The following AGT variants were observed in gnomAD, a reference collection of about 807,000 sequenced individuals.
AGT encodes the protein angiotensinogen.
AGT carries 26 observed loss-of-function variants against 28.1 expected under a neutral mutation model. The ratio of observed to expected loss-of-function variants is 0.92; its 90% CI spans 0.68 to 1.28. The LOEUF (loss-of-function observed/expected upper bound fraction) is 1.28, where lower values mean the gene tolerates loss of function less well. AGT is among the 50% of genes most tolerant of loss of function. AGT has a pLI of 0.00. For missense variants in AGT, 596 were observed against 592.3 expected (o/e 1.01, Z -0.06); for synonymous variants, 259 against 259.6 (o/e 1.00, Z 0.02).
intron 1 of AGT, among the ~76,000 whole-genome samples, chr1:230,731,805 T>G (rs1048286121): frequency 6.6e-6 from 1 of 152,092 alleles, no homozygotes; most frequent in African/African-American, 2.4e-5. Flanking sequence ...AGGCGGAGGT[T>G]GCAACGAACC....
intron 1 of AGT, among the ~76,000 whole-genome samples, chr1:230,743,134 G>A (rs1448487105): frequency 6.6e-6 from 1 of 152,088 alleles, no homozygotes; most frequent in Non-Finnish European, 1.5e-5. Context: ...GGGATTACAG[G>A]CACCCCCACC....
chr1:230,727,921 A>C (rs1663974495), intron 1 of AGT, among the ~76,000 whole-genome samples: 1 of 152,196 alleles, frequency 6.6e-6, no homozygotes, highest in Non-Finnish European at 1.5e-5. Context: ...AGTTTTATAC[A>C]CATAGAGCCA....
intron 1 of AGT, among the ~76,000 whole-genome samples, chr1:230,721,344 G>A (rs1230248289): frequency 6.6e-6 from 1 of 152,210 alleles, no homozygotes; most frequent in Non-Finnish European, 1.5e-5. Context: ...AGCAAAGAAT[G>A]ATAGAAAACA....
intron 2 of AGT, among the ~76,000 whole-genome samples, chr1:230,708,275 T>C (rs1663452491): frequency 6.6e-6 from 1 of 152,208 alleles, no homozygotes; most frequent in African/African-American, 2.4e-5. Context: ...CTGGGTCAGG[T>C]GGATGTGCTC....
At chr1:230,720,836 G>A (rs1663829315) in intron 1 of AGT, among the ~76,000 whole-genome samples, 1 of 152,198 alleles carries the variant, frequency 6.6e-6, no homozygotes, top group African/African-American at 2.4e-5. Flanking sequence ...CTGGTAGGGA[G>A]ACCACCCCTG....
Position 230,730,436 on chromosome 1 carries a change from C to T in AGT, c.-31+15079G>A, listed in dbSNP as rs151301319. 7.7e-4 allele frequency among the ~76,000 whole-genome samples: 117 copies of T among 152,234 alleles called. No homozygotes were observed. The South Asian group carries it at 1.0e-2, about 13-fold the overall frequency. On this transcript the variant is annotated intron_variant, in intron 1 of 4. Transcript: ENST00000681269. The stretch of plus-strand genomic sequence containing the variant: ...GACAAGAAGTTGACTTGCGGCCATG[C>T]TCCTGCTTCTCCATTCTTTGGCCAT...
chr1:230,737,282 A>G (rs1316406), intron 1 of AGT, among the ~76,000 whole-genome samples: 99,313 of 151,976 alleles, frequency 0.65, 34,556 homozygotes, highest in East Asian at 0.9. Context: ...GTAGGTGACT[A>G]CTAAGAATAA....
At chr1:230,717,039 C>A (rs904875443), upstream of AGT, among the ~76,000 whole-genome samples, 2 of 143,056 alleles carry the variant, frequency 1.4e-5, no homozygotes, top group African/African-American at 5.1e-5. Flanking sequence ...TGTAGCTTTG[C>A]CCCAGCCACT....
rs1663371301 is a variant in AGT at position 230,705,928 on chromosome 1, C to T, written c.1097+5G>A. ...ACATTCCAGGGGAGACCGGGAGGCT[C>T]CTACCGGGGAGATAGTTTCTTCATC... On this transcript the variant is annotated splice_donor_5th_base_variant and intron_variant, in intron 3 of 4. Coordinates refer to ENST00000366667, the MANE Select transcript of AGT (RefSeq NM_001384479.1). The T allele has an allele frequency of 5.0e-6, 8 of 1,613,922 alleles. No individual in the cohort carries two copies. Among genetic ancestry groups the T allele is most frequent in the Non-Finnish European group, 6.8e-6 (8 of 1,179,998 alleles).
At chr1:230,734,169 C>T (rs1184872336) in intron 1 of AGT, among the ~76,000 whole-genome samples, 1 of 152,040 alleles carries the variant, frequency 6.6e-6, no homozygotes, top group East Asian at 1.9e-4. Context: ...AATAGAAAGA[C>T]AAAATATGAC....
Position 230,703,164 on chromosome 1 carries a change from C to T in AGT, c.1408G>A (p.Ala470Thr), listed in dbSNP as rs769506022. Residue 470 changes from alanine to threonine, a missense_variant, in exon 5 of 5, where the codon GCC (alanine) becomes ACC (threonine). Ala to Thr is a moderately conservative substitution (Grantham distance 58, BLOSUM62 0). Transcript: ENST00000366667. ...ATALHFLGRV[A>T]NPLSTA The stretch of plus-strand genomic sequence containing the variant: ...CCTCATGCTGTGCTCAGCGGGTTGG[C>T]CACGCGGCCCAGGAAGTGCAGGGCA... 3.1e-6 allele frequency: 5 copies of T among 1,613,432 alleles called. No individual in the cohort carries two copies. Among genetic ancestry groups the T allele is most frequent in the Non-Finnish European group, 4.2e-6 (5 of 1,180,052 alleles).
chr1:230,726,712 A>C (rs552480794), intron 1 of AGT, among the ~76,000 whole-genome samples: 1 of 152,328 alleles, frequency 6.6e-6, no homozygotes, highest in East Asian at 1.9e-4. Flanking sequence ...TCTCTCCTCC[A>C]AAACTCAGAG....
At chr1:230,703,931 G>GAGGCA (rs1427868211) in intron 4 of AGT, among the ~76,000 whole-genome samples, 5 of 152,194 alleles carry the variant, frequency 3.3e-5, no homozygotes, top group Non-Finnish European at 7.4e-5. Flanking sequence ...GGAGGACCCT[G>GAGGCA]AGGCAAGGCA....
upstream of AGT, among the ~76,000 whole-genome samples, chr1:230,716,127 A>G (rs1663730681): frequency 6.6e-6 from 1 of 152,226 alleles, no homozygotes; most frequent in Non-Finnish European, 1.5e-5. Context: ...AAAGCCCTTA[A>G]TCCATGCCCA....
intron 1 of AGT, 95 bp from the exon 2 acceptor site, chr1:230,710,948 ACCATTTAGC>A: frequency 2.1e-6 from 3 of 1,458,006 alleles, no homozygotes; most frequent in Non-Finnish European, 2.8e-6. Context: ...ATTCCCTGTC[ACCATTTAGC>A]CCAGAATAAA....
chr1:230,709,840 C>T (rs1241142251), intron 2 of AGT, among the ~76,000 whole-genome samples, 155 bp downstream of exon 2: 1 of 152,180 alleles, frequency 6.6e-6, no homozygotes, highest in African/African-American at 2.4e-5. Flanking sequence ...ATCCAGGGAC[C>T]CAGCGGAGCA....
intron 1 of AGT, among the ~76,000 whole-genome samples, chr1:230,711,124 T>G (rs1351078722): frequency 6.6e-6 from 1 of 152,194 alleles, no homozygotes; most frequent in Non-Finnish European, 1.5e-5. Context: ...CCCCAGGACC[T>G]CAGAATGTGA....
chr1:230,745,291 T>C (rs918236466), intron 1 of AGT, among the ~76,000 whole-genome samples: 1 of 152,192 alleles, frequency 6.6e-6, no homozygotes, highest in African/African-American at 2.4e-5. Context: ...ATCCCCTCCA[T>C]GTGCCAGACT....
intron 1 of AGT, among the ~76,000 whole-genome samples, chr1:230,731,053 A>G (rs1664045064): frequency 6.6e-6 from 1 of 152,204 alleles, no homozygotes; most frequent in South Asian, 2.1e-4. Flanking sequence ...CTGGAAACCA[A>G]TGAGAACTCC....
Sources: gnomAD v4.1 joint callset for allele counts (sites outside exome capture counted in the v4.1 genomes callset) on GRCh38, gnomAD v4.1.1 for gene constraint, MANE v1.5 for transcripts, NCBI Gene and HGNC (gene_info 2026-07-23, HGNC 2026-07-21) for gene names.